PDZK1IP1: variants seen among roughly 807,000 people sequenced by gnomAD.
PDZK1IP1 encodes PDZK1-interacting protein 1.
In PDZK1IP1, 9 loss-of-function variants were observed where a neutral mutation model predicts 14.7. The ratio of observed to expected loss-of-function variants is 0.61; its 90% CI spans 0.37 to 1.07. PDZK1IP1 has a LOEUF of 1.07. Ranked by LOEUF, PDZK1IP1 falls within the 50% of genes least tolerant of loss-of-function variation. The probability of loss-of-function intolerance (pLI) is 0.01; values close to 1 mark genes in which losing one functional copy is unlikely to be tolerated. For synonymous variants in PDZK1IP1, 70 were observed against 61.2 expected, an observed-to-expected ratio of 1.14 and a Z score of -0.67; for missense variants, 152 against 148.7, an observed-to-expected ratio of 1.02 and a Z score of -0.11.
intron 3 of PDZK1IP1, 101 bp downstream of exon 3, chr1:47,184,901 A>T: frequency 1.1e-6 from 1 of 899,690 alleles, no homozygotes; most frequent in Non-Finnish European, 1.8e-6. Context: ...TGCCCACATG[A>T]GTCTCCGTCC....
At chr1:47,185,724 T>A (rs1316330649) in intron 2 of PDZK1IP1, among the ~76,000 whole-genome samples, 1 of 152,120 alleles carries the variant, frequency 6.6e-6, no homozygotes, top group African/African-American at 2.4e-5. Context: ...CGGTGAGTGA[T>A]CCGCCATGAG....
intron 1 of PDZK1IP1, among the ~76,000 whole-genome samples, chr1:47,188,962 C>T (rs1012572639): frequency 6.6e-6 from 1 of 152,192 alleles, no homozygotes; most frequent in African/African-American, 2.4e-5. Flanking sequence ...CCCCAGGGAC[C>T]ACAGTCCCTG....
At chr1:47,184,143 A>G (rs1418064952) in intron 3 of PDZK1IP1, 100 bp from the exon 4 acceptor site, 2 of 911,860 alleles carry the variant, frequency 2.2e-6, no homozygotes, top group Non-Finnish European at 3.5e-6. Context: ...AGCTTCCAGA[A>G]TAAACACTTG....
At chr1:47,189,774 A>G (rs754839157) in intron 1 of PDZK1IP1, 92 bp downstream of exon 1, 1 of 935,380 alleles carries the variant, frequency 1.1e-6, no homozygotes, top group Non-Finnish European at 1.5e-6. Context: ...TCCCCCTCCA[A>G]ACTGTAAGTA....
Position 47,187,312 on chromosome 1 carries a change from C to T in PDZK1IP1, c.176+7G>A, listed in dbSNP as rs779705538. ...TGCCTGCTCAGGGACCCTTGGGCAG[C>T]ACTCACGGCTCCTCCTGGCACCAGA... On this transcript the variant is annotated splice_region_variant and intron_variant, in intron 2 of 3. Transcript: ENST00000294338. 4 of 1,605,592 alleles carry T rather than the reference C, an allele frequency of 2.5e-6. No individual in the cohort carries two copies. The highest frequency in any genetic ancestry group is 2.6e-6 in the Non-Finnish European group (3 of 1,173,580).
At chr1:47,187,894 T>C (rs1196148019) in intron 1 of PDZK1IP1, among the ~76,000 whole-genome samples, 1 of 152,182 alleles carries the variant, frequency 6.6e-6, no homozygotes, top group African/African-American at 2.4e-5. Context: ...GAAGATCCTG[T>C]TCTGTAGCAA....
Position 47,185,095 on chromosome 1 carries a change from T to C in PDZK1IP1, c.179A>G (p.Glu60Gly). 6.2e-7 allele frequency: 1 copy of C among 1,612,756 alleles called. No homozygotes were observed. The change falls in exon 3 of 4, where the codon GAG becomes GGG. Residue 60 changes from glutamate (E) to glycine (G), a missense_variant and splice_region_variant. Transcript: ENST00000294338. ...GACGGTCAGGATCATGTGTGCAGGC[T>C]CCCTGGGGATGGGATTCATCAGTGG... ...VNHFWCQEEP[E>G]PAHMILTVGN...
Position 47,183,730 on chromosome 1 carries a change from T to C in PDZK1IP1, c.*241A>G. 1.7e-6 allele frequency: 1 copy of C among 574,380 alleles called. No homozygotes were observed. Among genetic ancestry groups the C allele is most frequent in the Non-Finnish European group, 3.1e-6 (1 of 322,104 alleles). 35.6% of individuals were successfully genotyped at this position (574,380 alleles called of 1,614,324 possible). Reference sequence around the variant, plus strand: ...GGGAGGTGCTCAGCTGACTGTCCTCTCCAGAAGGCTCTTCTGAGCTGAGCA... The same window carrying C: ...GGGAGGTGCTCAGCTGACTGTCCTCCCCAGAAGGCTCTTCTGAGCTGAGCA... On this transcript the variant is annotated 3_prime_UTR_variant, in exon 4 of 4. Transcript: ENST00000294338.
chr1:47,184,176 G>T, intron 3 of PDZK1IP1, 133 bp from the exon 4 acceptor site: 1 of 721,322 alleles, frequency 1.4e-6, no homozygotes, highest in Middle Eastern at 2.4e-4. Context: ...GGATTGTCCT[G>T]ACCACATCTG....
Position 47,184,040 on chromosome 1 carries a change from G to T in PDZK1IP1, c.276C>A (p.Ser92=). 1 of 1,587,358 alleles carries T rather than the reference G, an allele frequency of 6.3e-7. No homozygotes were observed. Among genetic ancestry groups the T allele is most frequent in the Non-Finnish European group, 8.6e-7 (1 of 1,165,034 alleles). The change falls in exon 4 of 4, where the codon TCC becomes TCA. Residue 92 remains serine, a synonymous_variant. Transcript: ENST00000294338. ...RYSSMAASFR[S]SEHENAYENV... ...TCTCATAGGCATTCTCATGCTCACT[G>T]GACCTGAAAGAAGAAGGCATGGGCC...
rs1238419923 is a variant in PDZK1IP1 at position 47,187,493 on chromosome 1, G to A, written c.68-66C>T. On this transcript the variant is annotated intron_variant, in intron 1 of 3. Coordinates refer to ENST00000294338, the MANE Select transcript of PDZK1IP1 (RefSeq NM_005764.4). Reference sequence around the variant, plus strand: ...GGGGCTGCATGTGCAGGAGAGCGAGGGGCCTCACTCTTCAAGGACCCCACC... The same window carrying A: ...GGGGCTGCATGTGCAGGAGAGCGAGAGGCCTCACTCTTCAAGGACCCCACC... The A allele has an allele frequency of 8.4e-6, 11 of 1,307,208 alleles. No individual in the cohort carries two copies. The Admixed American group carries it at 9.1e-5, about 11-fold the overall frequency. 81.0% of individuals were successfully genotyped at this position (1,307,208 alleles called of 1,614,324 possible).
At chr1:47,189,778 G>A (rs1645341497) in intron 1 of PDZK1IP1, 88 bp downstream of exon 1, 4 of 970,440 alleles carry the variant, frequency 4.1e-6, no homozygotes, top group South Asian at 3.4e-5. Flanking sequence ...CCTCCAAACT[G>A]TAAGTATCAA....
chr1:47,186,495 G>A (rs1026697144), intron 2 of PDZK1IP1, among the ~76,000 whole-genome samples: 2 of 152,130 alleles, frequency 1.3e-5, no homozygotes, highest in African/African-American at 4.8e-5. Context: ...CAGCAACCCT[G>A]CATGGGGCTA....
At chr1:47,186,340 A>G (rs996179609) in intron 2 of PDZK1IP1, among the ~76,000 whole-genome samples, 1 of 151,096 alleles carries the variant, frequency 6.6e-6, no homozygotes, top group Non-Finnish European at 1.5e-5. Context: ...AAAACTTGTC[A>G]CTGGATTCCT....
chr1:47,187,762 T>C (rs1221567864), intron 1 of PDZK1IP1, among the ~76,000 whole-genome samples: 2 of 152,100 alleles, frequency 1.3e-5, no homozygotes, highest in East Asian at 1.9e-4. Flanking sequence ...CGCAGGTGGG[T>C]CACATGCAGC....
Position 47,187,350 on chromosome 1 carries a change from C to A in PDZK1IP1, c.145G>T (p.Ala49Ser). ...TCCTGGCACCAGAAGTGGTTGACTG[C>A]AAAGGCGATTGCAACGAGGACCAGG... is the stretch of plus-strand genomic sequence containing the variant. ...VFLVLVAIAF[A>S]VNHFWCQEEP... Residue 49 changes from alanine (A) to serine (S), a missense_variant, in exon 2 of 4, where the codon GCA (alanine) becomes TCA (serine). Physicochemically the swap from Ala to Ser is moderately conservative, Grantham distance 99 (BLOSUM62 1). Coordinates refer to ENST00000294338, the MANE Select transcript of PDZK1IP1 (RefSeq NM_005764.4). The A allele has an allele frequency of 6.2e-7, 1 of 1,612,806 alleles. No homozygotes were observed. The highest frequency in any genetic ancestry group is 8.5e-7 in the Non-Finnish European group (1 of 1,179,934).
At chr1:47,184,552 TC>T (rs1219138184) in intron 3 of PDZK1IP1, among the ~76,000 whole-genome samples, 2 of 17,864 alleles carry the variant, frequency 1.1e-4, no homozygotes, top group East Asian at 2.1e-3. Context: ...CTGAGCTCCA[TC>T]CCCCACTGAG....
At position 47,185,990 on chromosome 1, in the gene PDZK1IP1, T is replaced by A. The variant is rs74074005; in HGVS notation, c.177-893A>T. Among the ~76,000 whole-genome samples, 1,173 of 152,270 alleles carry A rather than the reference T, an allele frequency of 7.7e-3. 19 individuals are homozygous for A. The highest frequency in any genetic ancestry group is 0.027 in the African/African-American group (1,124 of 41,558). On this transcript the variant is annotated intron_variant, in intron 2 of 3. Coordinates refer to ENST00000294338, the MANE Select transcript of PDZK1IP1 (RefSeq NM_005764.4). ...AGCCAGAGTCATTCTGCTAAGGCCG[T>A]GTCTCATCCCGAAACTGGCTTAAAA...
chr1:47,187,908 G>A (rs1204420698), intron 1 of PDZK1IP1, among the ~76,000 whole-genome samples: 1 of 152,184 alleles, frequency 6.6e-6, no homozygotes, highest in Non-Finnish European at 1.5e-5. Context: ...GTAGCAAGAC[G>A]TTTCTCTGAT....
Sources: allele counts gnomAD v4.1 joint callset (sites outside exome capture counted in the v4.1 genomes callset), GRCh38; gene constraint gnomAD v4.1.1; transcripts MANE v1.5; gene names NCBI Gene and HGNC (gene_info 2026-07-23, HGNC 2026-07-21).